The following QTMAN variants were observed in gnomAD, a reference collection of about 807,000 sequenced individuals.
QTMAN encodes tRNA-queuosine alpha-mannosyltransferase.
At chr2:144,174,718 G>T in the QTMAN span, among the ~76,000 whole-genome samples, 1 of 152,102 alleles carries the variant, frequency 6.6e-6, no homozygotes, top group African/African-American at 2.4e-5. Context: ...TCTTATAAAG[G>T]GCAGTTCCCT....
chr2:144,260,545 G>A, the QTMAN span, among the ~76,000 whole-genome samples: 2 of 152,068 alleles, frequency 1.3e-5, no homozygotes, highest in South Asian at 2.1e-4. Flanking sequence ...TGACTCAGAA[G>A]AGCAAATCAT....
At chr2:144,051,396 T>A in the QTMAN span, among the ~76,000 whole-genome samples, 3 of 151,802 alleles carry the variant, frequency 2.0e-5, no homozygotes, top group Non-Finnish European at 4.4e-5. Flanking sequence ...ATAAGCCAGG[T>A]ATGGTTGTAC....
the QTMAN span, among the ~76,000 whole-genome samples, chr2:144,182,650 A>G: frequency 6.9e-6 from 1 of 145,320 alleles, no homozygotes; most frequent in Non-Finnish European, 1.5e-5. Context: ...TCTCAAAAAA[A>G]AAAAAAAAAA....
the QTMAN span, among the ~76,000 whole-genome samples, chr2:144,052,879 C>G: frequency 6.6e-6 from 1 of 152,162 alleles, no homozygotes; most frequent in Non-Finnish European, 1.5e-5. Flanking sequence ...AAACTCCAGA[C>G]CTCAGGTGAT....
At chr2:144,135,274 C>T in the QTMAN span, among the ~76,000 whole-genome samples, 1 of 152,116 alleles carries the variant, frequency 6.6e-6, no homozygotes, top group Non-Finnish European at 1.5e-5. Context: ...TTGGATGCTG[C>T]GCAGATGCAG....
At chr2:144,325,365 C>T in the QTMAN span, among the ~76,000 whole-genome samples, 1 of 152,122 alleles carries the variant, frequency 6.6e-6, no homozygotes, top group African/African-American at 2.4e-5. Context: ...CAATTATACT[C>T]GTCACAGAAT....
chr2:144,163,349 T>G, the QTMAN span, among the ~76,000 whole-genome samples: 1 of 152,152 alleles, frequency 6.6e-6, no homozygotes, highest in Non-Finnish European at 1.5e-5. Flanking sequence ...CTATTACCTT[T>G]TGAATTATTT....
the QTMAN span, among the ~76,000 whole-genome samples, chr2:144,049,577 C>G: frequency 6.6e-6 from 1 of 152,046 alleles, no homozygotes; most frequent in Non-Finnish European, 1.5e-5. Context: ...TGAGCAAAAT[C>G]CAAACTTGGC....
chr2:143,981,762 C>A, the QTMAN span, among the ~76,000 whole-genome samples: 1 of 152,092 alleles, frequency 6.6e-6, no homozygotes, highest in East Asian at 1.9e-4. Context: ...TGATTGTGGA[C>A]AAGGGTGAAC....
At chr2:143,941,211 A>C in the QTMAN span, 1 of 152,222 alleles carries the variant, frequency 6.6e-6, no homozygotes, top group Non-Finnish European at 1.5e-5. Flanking sequence ...TCTCAAATAC[A>C]GGAGGTTACA....
At chr2:144,144,318 C>T in the QTMAN span, among the ~76,000 whole-genome samples, 1 of 151,898 alleles carries the variant, frequency 6.6e-6, no homozygotes, top group Admixed American at 6.6e-5. Context: ...GGTACATTTC[C>T]TCCCTGATAT....
At chr2:144,323,644 T>C in the QTMAN span, among the ~76,000 whole-genome samples, 1 of 152,196 alleles carries the variant, frequency 6.6e-6, no homozygotes, top group South Asian at 2.1e-4. Flanking sequence ...TGAACTGTTA[T>C]CTTAAGGAAA....
the QTMAN span, among the ~76,000 whole-genome samples, chr2:144,099,354 T>C: frequency 1.3e-5 from 2 of 152,148 alleles, no homozygotes; most frequent in Non-Finnish European, 2.9e-5. Context: ...ATGTAGTAAA[T>C]AGAAGACAGA....
chr2:144,034,886 T>C, the QTMAN span, among the ~76,000 whole-genome samples: 2 of 152,206 alleles, frequency 1.3e-5, no homozygotes, highest in Admixed American at 6.5e-5. Context: ...TCTCAAGGTT[T>C]AGTCTCTCAG....
chr2:144,289,214 T>C, the QTMAN span, among the ~76,000 whole-genome samples: 2 of 152,050 alleles, frequency 1.3e-5, no homozygotes, highest in South Asian at 2.1e-4. Context: ...CAGGGTTTAA[T>C]AGAGACGGGG....
chr2:144,268,770 A>G, the QTMAN span, among the ~76,000 whole-genome samples: 1 of 151,964 alleles, frequency 6.6e-6, no homozygotes, highest in African/African-American at 2.4e-5. Flanking sequence ...TTAAGTAAAC[A>G]TTCCTTTCTA....
chr2:144,301,680 A>C, the QTMAN span, among the ~76,000 whole-genome samples: 1 of 152,258 alleles, frequency 6.6e-6, no homozygotes, highest in Non-Finnish European at 1.5e-5. Flanking sequence ...ATACAGCCAT[A>C]AGAGGCTCTT....
the QTMAN span, among the ~76,000 whole-genome samples, chr2:144,043,960 G>A: frequency 6.6e-6 from 1 of 152,102 alleles, no homozygotes; most frequent in South Asian, 2.1e-4. Context: ...TAGAGCAGTG[G>A]TATTTGCTAA....
the QTMAN span, among the ~76,000 whole-genome samples, chr2:144,230,840 CAG>C: frequency 1.3e-5 from 2 of 151,782 alleles, no homozygotes; most frequent in African/African-American, 4.8e-5. Context: ...AGATTTAGGA[CAG>C]GGAAAAAAAA....
Sources: gnomAD v4.1 joint callset for allele counts (sites outside exome capture counted in the v4.1 genomes callset) on GRCh38, gnomAD v4.1.1 for gene constraint, MANE v1.5 for transcripts, NCBI Gene and HGNC (gene_info 2026-07-23, HGNC 2026-07-21) for gene names.